MTHFD2L: variants seen among roughly 807,000 people sequenced by gnomAD.
MTHFD2L encodes the protein methylenetetrahydrofolate dehydrogenase (NADP+ dependent) 2 like.
Under a neutral mutation model 34.9 loss-of-function variants are expected in MTHFD2L, and 29 were observed. The observed-to-expected ratio is 0.83, with a 90% CI of 0.62 to 1.13. The LOEUF is 1.13. MTHFD2L is among the 50% of genes most tolerant of loss of function. The pLI, the probability that MTHFD2L is intolerant of heterozygous loss-of-function variation, is 0.00. For synonymous variants in MTHFD2L, 167 were observed against 155.7 expected (o/e 1.07, Z -0.54); for missense variants, 481 against 446.5 (o/e 1.08, Z -0.70).
chr4:74,236,460 G>A lies in MTHFD2L; in HGVS notation c.805+11066G>A, dbSNP rs571786631. ...AGTTCTACATGCAATGGATGTGCTC[G>A]CTAGTTTTTTCTAGCCATCCAGTGT... is the stretch of plus-strand genomic sequence containing the variant. On this transcript the variant is annotated intron_variant, in intron 6 of 7. Coordinates refer to ENST00000325278, the MANE Select transcript of MTHFD2L (RefSeq NM_001144978.3). Among the ~76,000 whole-genome samples the A allele has an allele frequency of 2.0e-4, 31 of 152,288 alleles. No individual in the cohort carries two copies. In the South Asian group the frequency reaches 5.6e-3, roughly 28 times the overall value.
At chr4:74,224,699 A>G (rs528776331) in intron 5 of MTHFD2L, among the ~76,000 whole-genome samples, 17 of 152,224 alleles carry the variant, frequency 1.1e-4, no homozygotes, top group Non-Finnish European at 2.4e-4. Flanking sequence ...ACCTGTGACA[A>G]AAAAATTTTG....
At chr4:74,126,576 C>G (rs578147184) in intron 1 of MTHFD2L, among the ~76,000 whole-genome samples, 3 of 151,398 alleles carry the variant, frequency 2.0e-5, no homozygotes, top group Non-Finnish European at 2.9e-5. Context: ...TGTGTGTGGC[C>G]ATAGACGTAA....
At chr4:74,140,472 T>A (rs1723212414) in intron 1 of MTHFD2L, 1 of 654,828 alleles carries the variant, frequency 1.5e-6, no homozygotes, top group South Asian at 6.9e-5. Context: ...CTCCTGTTTT[T>A]TTAGTATTTA....
At chr4:74,284,917 A>G (rs1292160357) in intron 7 of MTHFD2L, among the ~76,000 whole-genome samples, 2 of 152,160 alleles carry the variant, frequency 1.3e-5, no homozygotes, top group Non-Finnish European at 2.9e-5. Flanking sequence ...ACTATTCACA[A>G]TAGCAAAGAC....
intron 1 of MTHFD2L, among the ~76,000 whole-genome samples, chr4:74,164,578 C>G (rs1308622732): frequency 2.0e-5 from 3 of 152,212 alleles, no homozygotes; most frequent in South Asian, 2.1e-4. Context: ...GAAAGAGCCA[C>G]TTTTGCAAAC....
intron 1 of MTHFD2L, among the ~76,000 whole-genome samples, chr4:74,165,636 G>A (rs1281669306): frequency 2.0e-5 from 3 of 152,178 alleles, no homozygotes; most frequent in Non-Finnish European, 4.4e-5. Flanking sequence ...AATTACAGGC[G>A]TGAGCCACTA....
At chr4:74,237,413 C>G (rs1741009748) in intron 6 of MTHFD2L, among the ~76,000 whole-genome samples, 1 of 152,108 alleles carries the variant, frequency 6.6e-6, no homozygotes, top group Admixed American at 6.5e-5. Flanking sequence ...CTTTGGGAGG[C>G]CAAGGTGGGC....
At chr4:74,268,097 C>T (rs945215079) in intron 6 of MTHFD2L, 8 of 984,724 alleles carry the variant, frequency 8.1e-6, no homozygotes, top group Non-Finnish European at 9.6e-6. Context: ...GTTCTGTGGT[C>T]ACTGCCACTG....
chr4:74,175,714 AT>A (rs1728904131), intron 3 of MTHFD2L, among the ~76,000 whole-genome samples: 1 of 151,980 alleles, frequency 6.6e-6, no homozygotes, highest in Non-Finnish European at 1.5e-5. Context: ...AAAAATAACA[AT>A]TTTTCTGTGG....
At chr4:74,238,590 C>T (rs1305707851) in intron 6 of MTHFD2L, among the ~76,000 whole-genome samples, 1 of 152,046 alleles carries the variant, frequency 6.6e-6, no homozygotes, top group Non-Finnish European at 1.5e-5. Context: ...GCAATCTACC[C>T]ATCTGACAAA....
rs1452232829 is a variant in MTHFD2L at position 74,293,576 on chromosome 4, T to C, written c.932-8121T>C. 5.2e-6 allele frequency: 5 copies of C among 957,454 alleles called. No homozygotes were observed. The African/African-American group carries it at 5.3e-5, about 10-fold the overall frequency. The allele number at this position is 957,454 out of a possible 1,614,324, so 59.3% of individuals were successfully genotyped here. ...AACCAGATGAATGTAAGAAGAAATA[T>C]AGTAAATTCCCTCCGGAGCACTTGA... On this transcript the variant is annotated intron_variant, in intron 7 of 7. Transcript: ENST00000325278.
intron 6 of MTHFD2L, among the ~76,000 whole-genome samples, chr4:74,273,238 G>T (rs1254525373): frequency 6.6e-6 from 1 of 152,000 alleles, no homozygotes; most frequent in African/African-American, 2.4e-5. Flanking sequence ...GTTTTTTTCT[G>T]TTCTGACAGG....
chr4:74,294,524 TC>T (rs1749392014), intron 7 of MTHFD2L, among the ~76,000 whole-genome samples: 1 of 152,108 alleles, frequency 6.6e-6, no homozygotes, highest in African/African-American at 2.4e-5. Context: ...TCTGTTTTAT[TC>T]TTACTTAAGT....
chr4:74,201,040 GTC>G (rs1391627143), intron 4 of MTHFD2L, among the ~76,000 whole-genome samples: 6 of 152,154 alleles, frequency 3.9e-5, no homozygotes, highest in Admixed American at 3.9e-4. Context: ...ACTTAAGAAT[GTC>G]TGTGGTTTTT....
rs1221106252 is a variant in MTHFD2L at position 74,161,054 on chromosome 4, T to A, written c.143+2773T>A. ...ATTCTCTTTTTTGTCTTCATACTAT[T>A]ATTTCTTTTAGCTTTTAAAAAAATT... On this transcript the variant is annotated intron_variant, in intron 1 of 7. Coordinates refer to ENST00000325278, the MANE Select transcript of MTHFD2L (RefSeq NM_001144978.3). 5.3e-5 allele frequency: 8 copies of A among 152,354 alleles called. No individual in the cohort carries two copies. In the East Asian group the frequency reaches 1.3e-3, roughly 26 times the overall value. 9.4% of individuals were successfully genotyped at this position (152,354 alleles called of 1,614,324 possible).
chr4:74,125,502 A>G (rs1046284004), exon 1 of MTHFD2L: 8 of 152,184 alleles, frequency 5.3e-5, no homozygotes, highest in South Asian at 2.1e-4. Context: ...AAGGTTGTGC[A>G]GATAGTCTGA....
chr4:74,159,952 G>C, intron 1 of MTHFD2L: 1 of 623,434 alleles, frequency 1.6e-6, no homozygotes, highest in Non-Finnish European at 2.2e-6. Flanking sequence ...CTGAAGGTGA[G>C]GTTGGCCCCA....
chr4:74,189,655 G>C (rs1732119479), intron 3 of MTHFD2L, among the ~76,000 whole-genome samples: 1 of 151,668 alleles, frequency 6.6e-6, no homozygotes, highest in South Asian at 2.1e-4. Context: ...ATTTTTAGTG[G>C]CTCAAATCTA....
At chr4:74,155,981 A>G (rs1365456511), upstream of MTHFD2L, among the ~76,000 whole-genome samples, 2 of 152,022 alleles carry the variant, frequency 1.3e-5, no homozygotes, top group Admixed American at 1.3e-4. Flanking sequence ...TAGAACATAC[A>G]AACAAAATTT....
Sources: gnomAD v4.1 joint callset for allele counts (sites outside exome capture counted in the v4.1 genomes callset) on GRCh38, gnomAD v4.1.1 for gene constraint, MANE v1.5 for transcripts, NCBI Gene and HGNC (gene_info 2026-07-23, HGNC 2026-07-21) for gene names.